The following POFUT3 variants were observed in gnomAD, a reference collection of about 807,000 sequenced individuals.
The protein encoded by POFUT3 is protein O-fucosyltransferase 3.
the POFUT3 span, among the ~76,000 whole-genome samples, chr8:33,409,922 C>A: frequency 3.9e-5 from 6 of 152,136 alleles, 1 homozygote; most frequent in African/African-American, 1.4e-4. Context: ...AAAAAAAAAA[C>A]TATCAACTAA....
chr8:33,408,359 G>C, the POFUT3 span, among the ~76,000 whole-genome samples: 109 of 151,780 alleles, frequency 7.2e-4, no homozygotes, highest in Middle Eastern at 6.8e-3. Flanking sequence ...GTTCTTTATG[G>C]TACTTCCTAG....
the POFUT3 span, among the ~76,000 whole-genome samples, chr8:33,394,726 A>G: frequency 6.6e-6 from 1 of 152,124 alleles, no homozygotes; most frequent in Non-Finnish European, 1.5e-5. Context: ...ATGCTCATAT[A>G]AATCCATCTC....
At chr8:33,410,381 T>A in the POFUT3 span, among the ~76,000 whole-genome samples, 1 of 152,220 alleles carries the variant, frequency 6.6e-6, no homozygotes, top group South Asian at 2.1e-4. Context: ...GCCCAGTAGA[T>A]TGGTATGCAC....
chr8:33,365,697 C>T, the POFUT3 span, among the ~76,000 whole-genome samples: 5 of 152,146 alleles, frequency 3.3e-5, no homozygotes, highest in African/African-American at 1.2e-4. Flanking sequence ...AAATCAAAAC[C>T]ACAATGAGAT....
chr8:33,380,028 C>CTATATATATATACTA, the POFUT3 span, among the ~76,000 whole-genome samples: 1 of 65,806 alleles, frequency 1.5e-5, no homozygotes, highest in Admixed American at 2.0e-4. Context: ...TATATATATA[C>CTATATATATATACTA]TATATATATA....
the POFUT3 span, among the ~76,000 whole-genome samples, chr8:33,391,195 T>TA: frequency 6.6e-6 from 1 of 152,218 alleles, no homozygotes; most frequent in Non-Finnish European, 1.5e-5. Flanking sequence ...CAAATAAAGA[T>TA]AAACTCTTCA....
chr8:33,434,622 T>C, the POFUT3 span, among the ~76,000 whole-genome samples: 67 of 152,290 alleles, frequency 4.4e-4, no homozygotes, highest in African/African-American at 9.4e-4. Flanking sequence ...TGCCCCACTG[T>C]AGAACTGGAG....
At chr8:33,312,206 T>G in the POFUT3 span, among the ~76,000 whole-genome samples, 2 of 150,862 alleles carry the variant, frequency 1.3e-5, no homozygotes, top group Non-Finnish European at 3.0e-5. Context: ...AGGTTGCAGT[T>G]AGCTGAGATT....
the POFUT3 span, among the ~76,000 whole-genome samples, chr8:33,377,908 G>T: frequency 6.6e-6 from 1 of 152,210 alleles, no homozygotes; most frequent in African/African-American, 2.4e-5. Flanking sequence ...GCCCCTTTGA[G>T]GAAAGATGGA....
chr8:33,445,194 A>AAAG, the POFUT3 span, among the ~76,000 whole-genome samples: 1 of 152,102 alleles, frequency 6.6e-6, no homozygotes, highest in Non-Finnish European at 1.5e-5. Context: ...TTGGCCTCCC[A>AAAG]AAGGGCTGGG....
At chr8:33,367,597 C>A in the POFUT3 span, among the ~76,000 whole-genome samples, 536 of 152,124 alleles carry the variant, frequency 3.5e-3, 12 homozygotes, top group East Asian at 0.067. Context: ...GTTAGGGTCT[C>A]CCCAAACAAG....
chr8:33,386,734 C>T, the POFUT3 span, among the ~76,000 whole-genome samples: 4 of 151,786 alleles, frequency 2.6e-5, no homozygotes, highest in Non-Finnish European at 4.4e-5. Flanking sequence ...GGCGTGAACC[C>T]GGGAGGTGGA....
chr8:33,349,292 T>A, the POFUT3 span, among the ~76,000 whole-genome samples: 97 of 152,246 alleles, frequency 6.4e-4, no homozygotes, highest in African/African-American at 1.4e-3. Context: ...CTTAAAAAAA[T>A]TTTTTTTGAT....
chr8:33,345,749 A>T, the POFUT3 span, among the ~76,000 whole-genome samples: 1 of 152,024 alleles, frequency 6.6e-6, no homozygotes, highest in Non-Finnish European at 1.5e-5. Flanking sequence ...AGGTACCAGC[A>T]TGATGGCAGG....
At chr8:33,461,543 G>GTTC in the POFUT3 span, 1 of 1,594,902 alleles carries the variant, frequency 6.3e-7, no homozygotes, top group East Asian at 2.3e-5. Flanking sequence ...TCACATGGAA[G>GTTC]AACCATCTGG....
At chr8:33,340,306 G>A in the POFUT3 span, among the ~76,000 whole-genome samples, 6 of 151,922 alleles carry the variant, frequency 3.9e-5, no homozygotes, top group African/African-American at 1.2e-4. Context: ...TGTCAGTGTA[G>A]ATTCATCAGT....
chr8:33,322,057 G>A, the POFUT3 span, among the ~76,000 whole-genome samples: 2 of 151,970 alleles, frequency 1.3e-5, no homozygotes, highest in African/African-American at 4.8e-5. Flanking sequence ...AATACTTAAC[G>A]GAATAAAAAT....
chr8:33,423,927 T>A, the POFUT3 span, among the ~76,000 whole-genome samples: 5 of 150,504 alleles, frequency 3.3e-5, no homozygotes, highest in Admixed American at 6.7e-5. Context: ...TCATTTCAGG[T>A]TAGGAGTTTG....
the POFUT3 span, among the ~76,000 whole-genome samples, chr8:33,337,459 G>A: frequency 2.6e-5 from 4 of 152,004 alleles, no homozygotes; most frequent in Non-Finnish European, 5.9e-5. Flanking sequence ...TTTTCTTTTT[G>A]CCTAATACAC....
Sources: allele counts gnomAD v4.1 joint callset (sites outside exome capture counted in the v4.1 genomes callset), GRCh38; gene constraint gnomAD v4.1.1; transcripts MANE v1.5; gene names NCBI Gene and HGNC (gene_info 2026-07-23, HGNC 2026-07-21).